HERC4: variants seen among roughly 807,000 people sequenced by gnomAD.
HERC4 encodes the protein probable E3 ubiquitin-protein ligase HERC4.
A neutral mutation model predicts 124.3 loss-of-function variants in HERC4; 28 were observed. That is an observed-to-expected ratio of 0.23 (90% CI 0.17 to 0.31). The LOEUF (loss-of-function observed/expected upper bound fraction) is 0.31. Ranked by LOEUF, HERC4 falls within the 10% of genes least tolerant of loss-of-function variation. HERC4 has a pLI of 1.00. For synonymous variants in HERC4, 407 were observed against 421.5 expected (o/e 0.97, Z 0.42); for missense variants, 713 against 1,229.3 (o/e 0.58, Z 6.28).
At chr10:68,004,096 A>C (rs962488419) in intron 9 of HERC4, among the ~76,000 whole-genome samples, 11 of 152,256 alleles carry the variant, frequency 7.2e-5, no homozygotes, top group Non-Finnish European at 1.5e-4. Context: ...TTCTCTGATG[A>C]TGTTGAGTAC....
chr10:68,038,415 T>C (rs537917287), intron 4 of HERC4: 19 of 329,368 alleles, frequency 5.8e-5, no homozygotes, highest in African/African-American at 3.2e-4. Context: ...TTAAGCAAAG[T>C]GAGCTATACT....
chr10:68,039,315 CAAAAAAAAAA>C (rs5785844), intron 4 of HERC4: 5 of 1,097,110 alleles, frequency 4.6e-6, no homozygotes, highest in Middle Eastern at 3.1e-4. Context: ...GACCCTGTCT[CAAAAAAAAAA>C]AAAAAAAAAG....
chr10:67,934,604 A>C (rs1184384750), intron 22 of HERC4, among the ~76,000 whole-genome samples: 2 of 151,978 alleles, frequency 1.3e-5, no homozygotes, highest in Non-Finnish European at 2.9e-5. Flanking sequence ...AAAAGGCATC[A>C]GAAGTAAACT....
intron 5 of HERC4, among the ~76,000 whole-genome samples, chr10:68,037,801 G>T (rs1279046389): frequency 6.6e-6 from 1 of 152,108 alleles, no homozygotes; most frequent in Non-Finnish European, 1.5e-5. Context: ...AGACTTAAAT[G>T]GACAAATATA....
chr10:67,932,743 T>C lies in HERC4; in HGVS notation c.2692A>G (p.Asn898Asp), dbSNP rs2031957461. Residue 898 changes from asparagine to aspartate, a missense_variant, in exon 23 of 25, where the codon AAT (asparagine) becomes GAT (aspartate). Coordinates refer to ENST00000373700, the MANE Select transcript of HERC4 (RefSeq NM_015601.4). ...TCAAATAAGGAAGCCACTGATTTAT[T>C]GAATATGTAATCCACATAAGCATCG... ...FVDAYVDYIF[N>D]KSVASLFDAF... The C allele has an allele frequency of 6.2e-7, 1 of 1,604,740 alleles. No homozygotes were observed. The highest frequency in any genetic ancestry group is 8.5e-7 in the Non-Finnish European group (1 of 1,178,046).
rs766251691 is a variant in HERC4 at position 67,955,147 on chromosome 10, T to A, written c.2026-17A>T. 1.9e-6 allele frequency: 3 copies of A among 1,567,300 alleles called. No homozygotes were observed. ...AATAGCCATCTGGAAAACAAAAGATTAACATTTTAACAGCAATGCTACAAT... is the reference window on the plus strand; with the variant it reads ...AATAGCCATCTGGAAAACAAAAGATAAACATTTTAACAGCAATGCTACAAT... On this transcript the variant is annotated splice_polypyrimidine_tract_variant and intron_variant, in intron 17 of 24. Coordinates refer to ENST00000373700, the MANE Select transcript of HERC4 (RefSeq NM_015601.4).
intron 10 of HERC4, 122 bp downstream of exon 10, chr10:67,992,484 G>T: frequency 9.0e-7 from 1 of 1,113,180 alleles, no homozygotes; most frequent in Non-Finnish European, 1.3e-6. Flanking sequence ...TTATTCTGTA[G>T]ACTTAAGGGG....
At chr10:68,032,720 C>A (rs1370127412) in intron 7 of HERC4, 58 bp downstream of exon 7, 7 of 845,650 alleles carry the variant, frequency 8.3e-6, no homozygotes, top group African/African-American at 3.4e-5. Context: ...TGAGAACATT[C>A]ATTAATTATG....
At chr10:68,073,344 G>T (rs10823130) in intron 2 of HERC4, among the ~76,000 whole-genome samples, 158 bp from the exon 3 acceptor site, 1,812 of 152,150 alleles carry the variant, frequency 0.012, 26 homozygotes, top group African/African-American at 0.041. Flanking sequence ...CCAATCAGTT[G>T]TATTTTTTAA....
At chr10:67,971,068 T>C (rs1029737173) in intron 15 of HERC4, among the ~76,000 whole-genome samples, 10 of 152,086 alleles carry the variant, frequency 6.6e-5, no homozygotes, top group Admixed American at 2.6e-4. Context: ...CATGATTACA[T>C]AGATATCTTG....
At chr10:68,020,728 C>A (rs2038570742) in intron 8 of HERC4, among the ~76,000 whole-genome samples, 1 of 148,766 alleles carries the variant, frequency 6.7e-6, no homozygotes. Flanking sequence ...GAGATCGCGC[C>A]ACTGCACTCC....
At chr10:68,015,043 T>C (rs2038179592) in intron 8 of HERC4, among the ~76,000 whole-genome samples, 1 of 152,212 alleles carries the variant, frequency 6.6e-6, no homozygotes, top group African/African-American at 2.4e-5. Context: ...ACTATTACAG[T>C]TGTTCCCAGC....
chr10:67,990,052 A>T (rs1263136571), intron 14 of HERC4, among the ~76,000 whole-genome samples, 159 bp downstream of exon 14: 2 of 152,108 alleles, frequency 1.3e-5, no homozygotes, highest in African/African-American at 2.4e-5. Flanking sequence ...ACTAGAATCA[A>T]AAGACTAGAC....
At chr10:67,948,818 G>A (rs1025608879) in intron 19 of HERC4, among the ~76,000 whole-genome samples, 2 of 152,112 alleles carry the variant, frequency 1.3e-5, no homozygotes, top group African/African-American at 4.8e-5. Context: ...CTACTTGGGA[G>A]GCTGAGGCAC....
At chr10:68,036,250 G>A (rs1001292372) in intron 5 of HERC4, among the ~76,000 whole-genome samples, 3 of 151,416 alleles carry the variant, frequency 2.0e-5, no homozygotes, top group Non-Finnish European at 4.4e-5. Context: ...CCCAGGAGGC[G>A]GAGCTTGCAG....
At chr10:68,026,446 A>G (rs2038905982) in intron 7 of HERC4, among the ~76,000 whole-genome samples, 2 of 152,134 alleles carry the variant, frequency 1.3e-5, no homozygotes, top group Non-Finnish European at 2.9e-5. Flanking sequence ...TGTTTTTAAA[A>G]AAAACTCCCT....
At chr10:68,043,613 G>A (rs1385201999) in intron 4 of HERC4, among the ~76,000 whole-genome samples, 1 of 152,010 alleles carries the variant, frequency 6.6e-6, no homozygotes, top group African/African-American at 2.4e-5. Flanking sequence ...TCAGGAGTTC[G>A]AGACCAGCCT....
At chr10:67,933,685 C>G (rs2032063166) in intron 22 of HERC4, among the ~76,000 whole-genome samples, 1 of 152,012 alleles carries the variant, frequency 6.6e-6, no homozygotes, top group South Asian at 2.1e-4. Flanking sequence ...TTATTTTTAT[C>G]AAAGTAAGAC....
intron 16 of HERC4, among the ~76,000 whole-genome samples, chr10:67,964,531 A>G (rs1187510292): frequency 6.6e-6 from 1 of 151,974 alleles, no homozygotes; most frequent in Non-Finnish European, 1.5e-5. Flanking sequence ...CTCTCCCCTA[A>G]TCTACTAAAA....
Sources: allele counts gnomAD v4.1 joint callset (sites outside exome capture counted in the v4.1 genomes callset), GRCh38; gene constraint gnomAD v4.1.1; transcripts MANE v1.5; gene names NCBI Gene and HGNC (gene_info 2026-07-23, HGNC 2026-07-21).